The following TRHDE variants were observed in gnomAD, a reference collection of about 807,000 sequenced individuals.
TRHDE encodes the protein thyrotropin releasing hormone degrading enzyme.
A neutral mutation model predicts 125.7 loss-of-function variants in TRHDE; 72 were observed. The observed-to-expected ratio is 0.57, with a 90% CI of 0.47 to 0.70. The LOEUF (loss-of-function observed/expected upper bound fraction) is 0.70, where lower values mean the gene tolerates loss of function less well. TRHDE is among the 30% of genes least tolerant of loss of function. The pLI is 0.00. For synonymous variants in TRHDE, 509 were observed against 509.1 expected (o/e 1.00, Z 0.00); for missense variants, 1,110 against 1,327.1 (o/e 0.84, Z 2.54).
Position 72,273,015 on chromosome 12 carries a change from C to T in TRHDE, c.372C>T (p.Gly124=). ...GTGCCACGCCAGGCGCCGACGGTGG[C>T]CCCTCAGGCTTTCCGGAGCGCGGCG... The part of the protein sequence containing the change: ...GASATPGADG[G]PSGFPERGGN... Residue 124 remains glycine, a synonymous_variant, in exon 1 of 19, where the codon GGC becomes GGT. Transcript: ENST00000261180. The surrounding 1 kb of genome is among the most constrained non-coding windows in gnomAD (Gnocchi z 5.3). The T allele has an allele frequency of 2.6e-6, 4 of 1,541,472 alleles. No homozygotes were observed. The South Asian group carries it at 3.5e-5, about 14-fold the overall frequency.
rs963373721 is a variant in TRHDE, at chr12:72,363,970, A to T, written c.1189-14025A>T. On this transcript the variant is annotated intron_variant, in intron 2 of 18. Transcript: ENST00000261180. ...ACAAAAATCACAAGCATTGTTATAC[A>T]CCAATAACAGACAAACAGAGAGCCA... Among the ~76,000 whole-genome samples the T allele has an allele frequency of 2.0e-5, 3 of 152,016 alleles. 1 individual carries two copies. Among genetic ancestry groups the T allele is most frequent in the African/African-American group, 7.3e-5 (3 of 41,346 alleles).
rs11323954 is a variant in TRHDE, at chr12:72,307,330, ATT to A, written c.1188+20392_1188+20393del. Among the ~76,000 whole-genome samples, 371 of 137,098 alleles carry A rather than the reference ATT, an allele frequency of 2.7e-3. 1 individual carries two copies. The highest frequency in any genetic ancestry group is 3.0e-3 in the East Asian group (14 of 4,666). 89.9% of individuals were successfully genotyped at this position (137,098 alleles called of 152,430 possible). On this transcript the variant is annotated intron_variant, in intron 2 of 18. Coordinates refer to ENST00000261180, the MANE Select transcript of TRHDE (RefSeq NM_013381.3). ...CAGGCATGCGCCACCATACCCAGCT[ATT>A]TTTTTTTTTTTTTTTGTATTTTTAG...
rs1875152947 is a variant in TRHDE, at chr12:72,667,575, A to G, written c.*4380A>G. The G allele has an allele frequency of 6.6e-6, 1 of 151,736 alleles. No individual in the cohort carries two copies. Among genetic ancestry groups the G allele is most frequent in the Admixed American group, 6.6e-5 (1 of 15,182 alleles). The allele number at this position is 151,736 out of a possible 1,614,324, so 9.4% of individuals were successfully genotyped here. A position where few individuals can be genotyped will look rare whatever the true frequency, so the allele number is the denominator to read the frequency against. ...AAATGAAAAAGAAAAAGAAATAATG[A>G]ACCAAGGGAATGAGGGCAACAGGAA... On this transcript the variant is annotated 3_prime_UTR_variant, in exon 19 of 19. Coordinates refer to ENST00000261180, the MANE Select transcript of TRHDE (RefSeq NM_013381.3).
chr12:72,659,097 G>A (rs536045552), intron 18 of TRHDE, among the ~76,000 whole-genome samples: 9 of 152,126 alleles, frequency 5.9e-5, no homozygotes, highest in Non-Finnish European at 1.2e-4. Flanking sequence ...GATCAAAAGG[G>A]AATCAGCATC....
intron 2 of TRHDE, among the ~76,000 whole-genome samples, chr12:72,362,183 T>C (rs1871125931): frequency 7.2e-6 from 1 of 139,772 alleles, no homozygotes; most frequent in Non-Finnish European, 1.5e-5. Context: ...CCACCAACAG[T>C]GTAAAAGTGT....
intron 1 of TRHDE, among the ~76,000 whole-genome samples, chr12:72,088,609 C>G (rs1025691445): frequency 5.3e-5 from 8 of 152,008 alleles, no homozygotes; most frequent in African/African-American, 9.7e-5. Flanking sequence ...CCTCGGTTCT[C>G]TCATCTGTAA....
intron 3 of TRHDE, among the ~76,000 whole-genome samples, chr12:72,444,040 A>G (rs1001153329): frequency 6.6e-6 from 1 of 151,856 alleles, no homozygotes; most frequent in Non-Finnish European, 1.5e-5. Context: ...CTCTTTTTGC[A>G]TATAAAGAAG....
intron 2 of TRHDE, among the ~76,000 whole-genome samples, chr12:72,252,658 A>ATATAAATTTTGTAG (rs1878711006): frequency 6.6e-6 from 1 of 152,122 alleles, no homozygotes; most frequent in Non-Finnish European, 1.5e-5. Flanking sequence ...AGAATAGGCT[A>ATATAAATTTTGTAG]GCCAATGCCT....
intron 5 of TRHDE, among the ~76,000 whole-genome samples, chr12:72,478,922 C>CAAAAAAAAAAAAAAAAAAAAA (rs67346703): frequency 9.4e-6 from 1 of 106,202 alleles, no homozygotes; most frequent in East Asian, 2.8e-4. Flanking sequence ...TTTTTTTTAG[C>CAAAAAAAAAAAAAAAAAAAAA]AAAAAAAAAA....
chr12:72,637,629 T>C (rs1181320569), intron 15 of TRHDE, among the ~76,000 whole-genome samples: 2 of 152,088 alleles, frequency 1.3e-5, no homozygotes, highest in East Asian at 1.9e-4. Flanking sequence ...CTGCTTTCTC[T>C]TGTGGGCATG....
chr12:72,433,599 A>G (rs1301105361), intron 3 of TRHDE, among the ~76,000 whole-genome samples: 2 of 152,086 alleles, frequency 1.3e-5, no homozygotes, highest in East Asian at 3.9e-4. Flanking sequence ...AATTTAATCT[A>G]GGGATTCAGA....
At chr12:72,356,837 A>G (rs1445425377) in intron 2 of TRHDE, among the ~76,000 whole-genome samples, 4 of 151,572 alleles carry the variant, frequency 2.6e-5, no homozygotes, top group Admixed American at 1.3e-4. Flanking sequence ...TGGTGAAACT[A>G]TGAAACTCCA....
intron 2 of TRHDE, among the ~76,000 whole-genome samples, chr12:72,211,607 A>G (rs1013266265): frequency 6.6e-6 from 1 of 152,158 alleles, no homozygotes; most frequent in African/African-American, 2.4e-5. Context: ...ATTATTCATC[A>G]CTATTTTGGT....
At chr12:72,517,900 G>T (rs1345357749) in intron 6 of TRHDE, among the ~76,000 whole-genome samples, 2 of 151,958 alleles carry the variant, frequency 1.3e-5, no homozygotes, top group African/African-American at 4.8e-5. Context: ...ATTTCATTAT[G>T]TACCCAGTTG....
chr12:72,100,146 C>A (rs1875033033), intron 1 of TRHDE, among the ~76,000 whole-genome samples: 2 of 152,164 alleles, frequency 1.3e-5, no homozygotes. Flanking sequence ...ATTATTTAGA[C>A]TGTAGGACCC....
In TRHDE at chr12:72,156,567, TAGAG is replaced by T. The variant is rs377136164; in HGVS notation, n.279+50820_279+50823del. ...CATGAGTCTTAAATAGATTGAGTAATAGAGAGAGTGTTAGAAAAATAGGAAGAAA... is the reference window on the plus strand; with the variant it reads ...CATGAGTCTTAAATAGATTGAGTAATAGAGTGTTAGAAAAATAGGAAGAAA... On this transcript the variant is annotated intron_variant and non_coding_transcript_variant, in intron 2 of 4. Coordinates refer to the TRHDE transcript ENST00000548156. Among the ~76,000 whole-genome samples the T allele has an allele frequency of 6.0e-4, 91 of 152,140 alleles. 1 individual carries two copies. In the East Asian group the frequency reaches 0.016, roughly 28 times the overall value.
chr12:72,228,221 T>C (rs986543041), intron 2 of TRHDE, among the ~76,000 whole-genome samples: 3 of 152,230 alleles, frequency 2.0e-5, no homozygotes, highest in Non-Finnish European at 4.4e-5. Context: ...AGCACACCTC[T>C]ATCTGGACAG....
At chr12:72,287,600 A>G (rs1396008082) in intron 2 of TRHDE, among the ~76,000 whole-genome samples, 2 of 152,060 alleles carry the variant, frequency 1.3e-5, no homozygotes, top group African/African-American at 4.8e-5. Flanking sequence ...ACACACACAC[A>G]CACACTTACA....
intron 7 of TRHDE, among the ~76,000 whole-genome samples, chr12:72,553,501 G>C (rs1204978332): frequency 6.6e-6 from 1 of 152,082 alleles, no homozygotes; most frequent in African/African-American, 2.4e-5. Flanking sequence ...GCTTGGGTAA[G>C]TCTCTTTTGT....
Sources: gnomAD v4.1 joint callset for allele counts (sites outside exome capture counted in the v4.1 genomes callset) on GRCh38, gnomAD v4.1.1 for gene constraint, Gnocchi (gnomAD v3.1) non-coding constraint, MANE v1.5 for transcripts, NCBI Gene and HGNC (gene_info 2026-07-23, HGNC 2026-07-21) for gene names.